The following FARP1 variants were observed in gnomAD, a reference collection of about 807,000 sequenced individuals.
FARP1 encodes FERM, ARH/RhoGEF and pleckstrin domain protein 1.
Under a neutral mutation model 128.8 loss-of-function variants are expected in FARP1, and 52 were observed. The ratio of observed to expected loss-of-function variants is 0.40; its 90% confidence interval spans 0.32 to 0.51. The LOEUF (loss-of-function observed/expected upper bound fraction) is 0.51. Among genes scored for constraint, FARP1 ranks in the 20% least tolerant of loss-of-function variants. The pLI is 0.45. For missense variants in FARP1, 1,333 were observed against 1,367.9 expected, an observed-to-expected ratio of 0.97 and a Z score of 0.40; for synonymous variants, 580 against 551.8, an observed-to-expected ratio of 1.05 and a Z score of -0.72.
intron 1 of FARP1, among the ~76,000 whole-genome samples, chr13:98,173,002 A>C (rs538099148): frequency 1.3e-5 from 2 of 152,202 alleles, no homozygotes; most frequent in Non-Finnish European, 1.5e-5. Flanking sequence ...GCAGTAGATA[A>C]GTGGGGAAAT....
intron 2 of FARP1, among the ~76,000 whole-genome samples, chr13:98,315,326 G>C (rs1886673365): frequency 6.6e-6 from 1 of 151,976 alleles, no homozygotes; most frequent in Non-Finnish European, 1.5e-5. Context: ...AAGCTGTCTC[G>C]AACTCCTGGG....
intron 18 of FARP1, 57 bp downstream of exon 18, chr13:98,431,337 TC>T: frequency 7.9e-7 from 1 of 1,271,686 alleles, no homozygotes; most frequent in Non-Finnish European, 1.1e-6. Context: ...GGCCGGGTGC[TC>T]CCAGACTGAG....
At chr13:98,270,077 G>A (rs1594342450) in intron 2 of FARP1, among the ~76,000 whole-genome samples, 1 of 152,286 alleles carries the variant, frequency 6.6e-6, no homozygotes, top group East Asian at 1.9e-4. Context: ...CTAACTGAAA[G>A]GCTTTTGAGA....
intron 16 of FARP1, among the ~76,000 whole-genome samples, chr13:98,418,940 G>A (rs1891488755): frequency 6.6e-6 from 1 of 152,204 alleles, no homozygotes; most frequent in Non-Finnish European, 1.5e-5. Flanking sequence ...AGGCAAGAAA[G>A]AAGCTATAGC....
chr13:98,307,790 A>G (rs754746260), intron 2 of FARP1, among the ~76,000 whole-genome samples: 46 of 152,210 alleles, frequency 3.0e-4, no homozygotes, highest in Middle Eastern at 3.4e-3. Context: ...TTCTCCCTCC[A>G]ATATTATCTT....
intron 7 of FARP1, 148 bp downstream of exon 7, chr13:98,384,992 G>A: frequency 1.6e-6 from 1 of 609,732 alleles, no homozygotes; most frequent in Non-Finnish European, 2.9e-6. Flanking sequence ...GGCTCATTGG[G>A]ATGTGGTGAT....
At position 98,255,257 on chromosome 13, in the gene FARP1, T is replaced by C. The variant is rs149828260; in HGVS notation, c.171+41844T>C. On this transcript the variant is annotated intron_variant, in intron 2 of 26. Coordinates refer to ENST00000319562, the MANE Select transcript of FARP1 (RefSeq NM_005766.4). ...GCTCACGCCTGTAATCCCAGCACTT[T>C]GGGAGGTGGAGGCGGGCGGATCACA... Among the ~76,000 whole-genome samples, 965 of 152,156 alleles carry C rather than the reference T, an allele frequency of 6.3e-3. 4 individuals carry two copies. The highest frequency in any genetic ancestry group is 0.014 in the East Asian group (72 of 5,178).
intron 2 of FARP1, among the ~76,000 whole-genome samples, chr13:98,313,612 G>C (rs1886588067): frequency 6.6e-6 from 1 of 152,326 alleles, no homozygotes; most frequent in South Asian, 2.1e-4. Context: ...TGATACTCAA[G>C]CCAGCTACCT....
intron 2 of FARP1, among the ~76,000 whole-genome samples, chr13:98,294,693 G>T (rs1885584581): frequency 6.6e-6 from 1 of 152,122 alleles, no homozygotes; most frequent in Non-Finnish European, 1.5e-5. Flanking sequence ...TTTGGCAGGA[G>T]TGAAAAGCAT....
At chr13:98,305,861 CT>C (rs34016297) in intron 2 of FARP1, among the ~76,000 whole-genome samples, 2 of 149,788 alleles carry the variant, frequency 1.3e-5, no homozygotes, top group Admixed American at 6.6e-5. Flanking sequence ...ATTACTTTCC[CT>C]TTTTTTTTTC....
At chr13:98,232,968 C>T (rs1187189448) in intron 2 of FARP1, among the ~76,000 whole-genome samples, 1 of 152,170 alleles carries the variant, frequency 6.6e-6, no homozygotes, top group Non-Finnish European at 1.5e-5. Context: ...AGTTCAAGGG[C>T]CTTTGTCTGC....
chr13:98,430,796 T>TTA (rs1390212351), intron 17 of FARP1, among the ~76,000 whole-genome samples: 1 of 152,246 alleles, frequency 6.6e-6, no homozygotes, highest in African/African-American at 2.4e-5. Flanking sequence ...TATACATAGC[T>TTA]TATATATTTT....
At chr13:98,192,606 G>A (rs1879310521) in intron 1 of FARP1, among the ~76,000 whole-genome samples, 1 of 152,064 alleles carries the variant, frequency 6.6e-6, no homozygotes, top group Non-Finnish European at 1.5e-5. Context: ...GGCCAGGCTG[G>A]TCTCCAACTC....
intron 2 of FARP1, among the ~76,000 whole-genome samples, chr13:98,321,451 G>A (rs539973433): frequency 1.3e-5 from 2 of 152,310 alleles, no homozygotes; most frequent in South Asian, 2.1e-4. Context: ...CAGCTTCAGG[G>A]AAAGGACAAA....
intron 2 of FARP1, among the ~76,000 whole-genome samples, chr13:98,279,081 C>T (rs571184505): frequency 6.5e-4 from 98 of 151,630 alleles, no homozygotes; most frequent in African/African-American, 2.2e-3. Context: ...GTTATCTGCC[C>T]GCCTCGGCCT....
chr13:98,220,422 G>A (rs1027576697), intron 2 of FARP1, among the ~76,000 whole-genome samples: 2 of 152,210 alleles, frequency 1.3e-5, no homozygotes, highest in African/African-American at 4.8e-5. Context: ...AGAGCAAGCA[G>A]AGGGAACTTA....
At chr13:98,262,072 G>A (rs1257024352) in intron 2 of FARP1, among the ~76,000 whole-genome samples, 2 of 146,130 alleles carry the variant, frequency 1.4e-5, no homozygotes, top group Non-Finnish European at 1.5e-5. Context: ...CTGGAGTGCA[G>A]TGGTGTGATC....
At position 98,448,520 on chromosome 13, in the gene FARP1, C is replaced by T. The variant is rs1893006491; in HGVS notation, c.*203C>T. Reference sequence around the variant, plus strand: ...ACAGCGCTCCCACCTCCAGTCCTGGCATCCGCTGGGGGCGCTGTTCTTTAG... The same window carrying T: ...ACAGCGCTCCCACCTCCAGTCCTGGTATCCGCTGGGGGCGCTGTTCTTTAG... On this transcript the variant is annotated 3_prime_UTR_variant, in exon 27 of 27. Coordinates refer to ENST00000319562, the MANE Select transcript of FARP1 (RefSeq NM_005766.4). 2 of 577,194 alleles carry T rather than the reference C, an allele frequency of 3.5e-6. No homozygotes were observed. Among genetic ancestry groups the T allele is most frequent in the Non-Finnish European group, 3.1e-6 (1 of 323,162 alleles). The allele number at this position is 577,194 out of a possible 1,614,324, so 35.8% of individuals were successfully genotyped here.
intron 2 of FARP1, among the ~76,000 whole-genome samples, chr13:98,269,762 G>C (rs750140362): frequency 6.6e-6 from 1 of 152,154 alleles, no homozygotes; most frequent in Non-Finnish European, 1.5e-5. Context: ...GTGAGTGGTC[G>C]GGGGGTGTCA....
Sources: allele counts gnomAD v4.1 joint callset (sites outside exome capture counted in the v4.1 genomes callset), GRCh38; gene constraint gnomAD v4.1.1; transcripts MANE v1.5; gene names NCBI Gene and HGNC (gene_info 2026-07-23, HGNC 2026-07-21).